ANO1: variants seen among roughly 807,000 people sequenced by gnomAD.
ANO1 encodes anoctamin 1.
A neutral mutation model predicts 124.0 loss-of-function variants in ANO1; 59 were observed. The observed-to-expected ratio is 0.48, with a 90% CI of 0.39 to 0.59. ANO1 has a LOEUF of 0.59. Among genes scored for constraint, ANO1 ranks in the 20% least tolerant of loss-of-function variants. The pLI, the probability that ANO1 is intolerant of heterozygous loss-of-function variation, is 0.00. For missense variants in ANO1, 1,059 were observed against 1,328.0 expected, an observed-to-expected ratio of 0.80 and a Z score of 3.15; for synonymous variants, 529 against 532.0, an observed-to-expected ratio of 0.99 and a Z score of 0.08.
intron 5 of ANO1, among the ~76,000 whole-genome samples, chr11:70,106,143 C>T (rs1778201742): frequency 1.3e-5 from 2 of 152,080 alleles, no homozygotes; most frequent in South Asian, 2.1e-4. Flanking sequence ...GGCCACGATT[C>T]GGGGCTTTCA....
chr11:69,984,868 T>C (rs1554996690), upstream of ANO1, among the ~76,000 whole-genome samples: 1 of 152,206 alleles, frequency 6.6e-6, no homozygotes, highest in Admixed American at 6.5e-5. Flanking sequence ...GGCTGCCCTG[T>C]CCCCCACGGC....
chr11:69,970,089 A>G, the ANO1 span, among the ~76,000 whole-genome samples: 1 of 152,186 alleles, frequency 6.6e-6, no homozygotes, highest in Admixed American at 6.5e-5. Flanking sequence ...GGTGAGGGTG[A>G]CGTGTTCTCA....
chr11:70,165,034 G>A (rs938379353), intron 19 of ANO1, among the ~76,000 whole-genome samples: 1 of 152,104 alleles, frequency 6.6e-6, no homozygotes, highest in African/African-American at 2.4e-5. Flanking sequence ...TCTGAAGGTC[G>A]GAAGTGCAAC....
intron 25 of ANO1, among the ~76,000 whole-genome samples, chr11:70,185,981 G>T (rs935208329): frequency 2.0e-5 from 3 of 152,150 alleles, no homozygotes; most frequent in South Asian, 4.1e-4. Flanking sequence ...TCCAGTAGAA[G>T]TGTCTTTATT....
intron 1 of ANO1, among the ~76,000 whole-genome samples, chr11:70,018,007 C>G (rs1452650264): frequency 2.0e-5 from 3 of 152,020 alleles, no homozygotes; most frequent in Non-Finnish European, 2.9e-5. Flanking sequence ...CCATCAGAAC[C>G]AGTTACATAG....
At chr11:70,019,236 A>ACCCCCCCC (rs1491098279) in intron 1 of ANO1, among the ~76,000 whole-genome samples, 1 of 23,972 alleles carries the variant, frequency 4.2e-5, no homozygotes, top group Non-Finnish European at 1.1e-4. Context: ...GGGAAAGAAG[A>ACCCCCCCC]ACCCCCCCAC....
intron 1 of ANO1, among the ~76,000 whole-genome samples, chr11:70,033,042 C>T (rs1591047186): frequency 6.6e-6 from 1 of 152,182 alleles, no homozygotes; most frequent in Non-Finnish European, 1.5e-5. Flanking sequence ...CAAATTTGCA[C>T]AGGTCCCTTT....
intron 1 of ANO1, among the ~76,000 whole-genome samples, chr11:70,029,448 G>T (rs1427651705): frequency 6.6e-6 from 1 of 152,178 alleles, no homozygotes; most frequent in Admixed American, 6.5e-5. Context: ...AAGTGCTGCT[G>T]CCAGCTGAAT....
Position 70,138,558 on chromosome 11 carries a change from T to C in ANO1, c.1258+6479T>C, listed in dbSNP as rs2047034704. Among the ~76,000 whole-genome samples, 3 of 151,782 alleles carry C rather than the reference T, an allele frequency of 2.0e-5. No homozygotes were observed. The South Asian group carries it at 6.3e-4, about 32-fold the overall frequency. On this transcript the variant is annotated intron_variant, in intron 11 of 25. Transcript: ENST00000355303. ...ATCACAGCTGAAGGTAGGTGAGCCT[T>C]ATTTTGTGCCAGGCACTGTCATGAG...
chr11:70,063,981 C>A (rs1591068324), intron 1 of ANO1: 1 of 152,166 alleles, frequency 6.6e-6, no homozygotes, highest in African/African-American at 2.4e-5. Flanking sequence ...GGGGTGTAGC[C>A]CGCCAACATC....
intron 11 of ANO1, among the ~76,000 whole-genome samples, chr11:70,146,666 T>C (rs2047390666): frequency 6.6e-6 from 1 of 152,108 alleles, no homozygotes; most frequent in Non-Finnish European, 1.5e-5. Context: ...AAATCAGTAG[T>C]GGATCAGTCT....
At chr11:70,103,974 C>G (rs1271740023) in intron 3 of ANO1, 25 bp from the exon 4 acceptor site, 1 of 1,606,478 alleles carries the variant, frequency 6.2e-7, no homozygotes, top group Non-Finnish European at 8.5e-7. Context: ...TGACGCAGCT[C>G]CCCGGTCCCT....
intron 22 of ANO1, among the ~76,000 whole-genome samples, chr11:70,177,487 C>A (rs2135808889): frequency 6.6e-6 from 1 of 152,298 alleles, no homozygotes; most frequent in South Asian, 2.1e-4. Flanking sequence ...CACAGCCCAG[C>A]CTGCAGGGGG....
chr11:70,052,043 G>A (rs1464546959), intron 1 of ANO1, among the ~76,000 whole-genome samples: 1 of 152,172 alleles, frequency 6.6e-6, no homozygotes, highest in Non-Finnish European at 1.5e-5. Context: ...AATTGGCTTT[G>A]TGTATGACAT....
intron 15 of ANO1, 91 bp downstream of exon 15, chr11:70,156,079 AT>A (rs34657087): frequency 0.49 from 508,927 of 1,036,464 alleles, 112,028 homozygotes; most frequent in East Asian, 0.74. Flanking sequence ...TGTTGTATAT[AT>A]TTTTTTTTAA....
chr11:70,079,315 G>T (rs2044134089), intron 1 of ANO1, among the ~76,000 whole-genome samples: 1 of 152,138 alleles, frequency 6.6e-6, no homozygotes, highest in Non-Finnish European at 1.5e-5. Context: ...AAAGCCCAGG[G>T]TGTCAATCAT....
intron 3 of ANO1, 60 bp downstream of exon 3, chr11:70,103,224 C>T: frequency 7.3e-7 from 1 of 1,375,772 alleles, no homozygotes. Context: ...ACTTGGACGC[C>T]TGGCAGTGAA....
intron 2 of ANO1, among the ~76,000 whole-genome samples, chr11:70,092,186 T>C (rs1291780177): frequency 3.9e-5 from 6 of 152,250 alleles, no homozygotes; most frequent in African/African-American, 1.4e-4. Context: ...GTCTCTGTTG[T>C]GTGTCTTCTT....
chr11:70,101,827 T>G lies in ANO1; in HGVS notation c.442-1239T>G, dbSNP rs1217171901. Among the ~76,000 whole-genome samples the G allele has an allele frequency of 2.0e-5, 3 of 152,024 alleles. No individual in the cohort carries two copies. In the East Asian group the frequency reaches 5.8e-4, roughly 29 times the overall value. On this transcript the variant is annotated intron_variant, in intron 2 of 25. Coordinates refer to ENST00000355303, the MANE Select transcript of ANO1 (RefSeq NM_018043.7). ...GACTTCCCATCCCTTCCTTTAAGGC[T>G]CAGAATTGTGGAAAGGAGACGTGGA...
Sources: allele counts gnomAD v4.1 joint callset (sites outside exome capture counted in the v4.1 genomes callset), GRCh38; gene constraint gnomAD v4.1.1; transcripts MANE v1.5; gene names NCBI Gene and HGNC (gene_info 2026-07-23, HGNC 2026-07-21).